The following VPS13D variants were observed in gnomAD, a reference collection of about 807,000 sequenced individuals.
The protein encoded by VPS13D is intermembrane lipid transfer protein VPS13D.
VPS13D carries 187 observed loss-of-function variants against 461.9 expected under a neutral mutation model. The ratio of observed to expected loss-of-function variants is 0.40; its 90% CI spans 0.36 to 0.46. VPS13D has a LOEUF of 0.46. Among genes scored for constraint, VPS13D ranks in the 20% least tolerant of loss-of-function variants. VPS13D has a pLI of 0.60. For missense variants in VPS13D, 4,711 were observed against 5,364.9 expected (o/e 0.88, Z 3.81); for synonymous variants, 1,951 against 1,986.3 (o/e 0.98, Z 0.47).
chr1:12,319,371 T>A, intron 31 of VPS13D, 126 bp from the exon 32 acceptor site: 2 of 1,355,274 alleles, frequency 1.5e-6, no homozygotes. Flanking sequence ...CAGCAGACAT[T>A]TTGGAGAAAA....
chr1:12,386,873 C>T (rs1225810655), intron 60 of VPS13D, among the ~76,000 whole-genome samples: 1 of 152,078 alleles, frequency 6.6e-6, no homozygotes, highest in Non-Finnish European at 1.5e-5. Context: ...GAGAACGTTT[C>T]CAGGGAGGGG....
intron 43 of VPS13D, among the ~76,000 whole-genome samples, chr1:12,346,230 T>A (rs1643672634): frequency 6.6e-6 from 1 of 152,240 alleles, no homozygotes; most frequent in Non-Finnish European, 1.5e-5. Flanking sequence ...GTTGCACAAC[T>A]GTCCATTTTT....
chr1:12,308,839 AT>A (rs1230714953), intron 27 of VPS13D, among the ~76,000 whole-genome samples, 198 bp downstream of exon 27: 2 of 151,684 alleles, frequency 1.3e-5, no homozygotes, highest in Admixed American at 1.3e-4. Context: ...TTTAGTAGAG[AT>A]GGGGTTTTAC....
In VPS13D at chr1:12,356,086, A is replaced by G. The variant is rs1409284339; in HGVS notation, c.9867A>G (p.Lys3289=). The G allele has an allele frequency of 6.2e-7, 1 of 1,608,916 alleles. No homozygotes were observed. The highest frequency in any genetic ancestry group is 1.3e-5 in the African/African-American group (1 of 74,764). The part of the protein sequence containing the change: ...FISAPYWLIN[K]TGLPLIFRQD... Reference sequence around the variant, plus strand: ...CTGCTCCATATTGGCTGATTAACAAAACAGGTACATACAGGGGCTGCTCAA... The same window carrying G: ...CTGCTCCATATTGGCTGATTAACAAGACAGGTACATACAGGGGCTGCTCAA... Residue 3289 remains lysine, a synonymous_variant, in exon 48 of 70, where the codon AAA becomes AAG. Coordinates refer to ENST00000620676, the MANE Select transcript of VPS13D (RefSeq NM_015378.4).
chr1:12,400,222 C>G lies in VPS13D; in HGVS notation c.11676C>G (p.Leu3892=), dbSNP rs746329138. Residue 3892 remains leucine, a synonymous_variant, in exon 61 of 70, where the codon CTC becomes CTG. Transcript: ENST00000620676. ...QLIGTTQPFM[L]YVTPLSNENE... ...TTGGTACCACGCAGCCCTTCATGCTCTATGTGACTCCCCTGAGCAATGAGA... is the reference window on the plus strand; with the variant it reads ...TTGGTACCACGCAGCCCTTCATGCTGTATGTGACTCCCCTGAGCAATGAGA... The G allele has an allele frequency of 3.7e-6, 6 of 1,614,034 alleles. No individual in the cohort carries two copies.
intron 25 of VPS13D, 84 bp from the exon 26 acceptor site, chr1:12,304,422 T>G: frequency 5.5e-6 from 7 of 1,271,298 alleles, no homozygotes; most frequent in South Asian, 4.1e-5. Flanking sequence ...GATAGGACTT[T>G]GGAGATATTA....
In VPS13D at chr1:12,270,999, G is replaced by A; in HGVS notation, c.1978G>A (p.Gly660Ser). ...GTGTATTTCCAACCTTGCAGGTTTT[G>A]GTTATCAGTCTGAACTTGAGCTGAG... ...YKGKVHTSGFGYQSELELRVA... is the reference protein window; with the variant it reads ...YKGKVHTSGFSYQSELELRVA... The change falls in exon 17 of 70, where the codon GGT (glycine) becomes AGT (serine). Residue 660 changes from glycine (G) to serine (S), a missense_variant. Coordinates refer to ENST00000620676, the MANE Select transcript of VPS13D (RefSeq NM_015378.4). 2 of 1,613,610 alleles carry A rather than the reference G, an allele frequency of 1.2e-6. No homozygotes were observed. Among genetic ancestry groups the A allele is most frequent in the East Asian group, 4.5e-5 (2 of 44,858 alleles).
intron 16 of VPS13D, among the ~76,000 whole-genome samples, chr1:12,270,403 A>G (rs1346003571): frequency 6.6e-6 from 1 of 152,164 alleles, no homozygotes; most frequent in Non-Finnish European, 1.5e-5. Context: ...GTGAGCCAAG[A>G]TCATGCCACT....
chr1:12,258,711 T>C (rs1320018683), intron 10 of VPS13D, among the ~76,000 whole-genome samples: 1 of 152,228 alleles, frequency 6.6e-6, no homozygotes, highest in Non-Finnish European at 1.5e-5. Context: ...CTTGTTTTAT[T>C]TCAGTTTTGT....
At position 12,327,794 on chromosome 1, in the gene VPS13D, A is replaced by G. The variant is rs764361419; in HGVS notation, c.8137A>G (p.Ile2713Val). The change falls in exon 36 of 70, where the codon ATC becomes GTC. Residue 2713 changes from isoleucine to valine, a missense_variant. Ile to Val is a conservative substitution (Grantham distance 29). This residue lies in a region of VPS13D where 4,411 missense variants were observed against 4,937.8 expected (regional missense o/e 0.89). Transcript: ENST00000620676. ...GVEIKAESVCICFIDDCMDCD... is the reference protein window; with the variant it reads ...GVEIKAESVCVCFIDDCMDCD... ...GGAGATCAAAGCTGAGAGTGTGTGC[A>G]TCTGTTTCATCGATGACTGCATGGA... The G allele has an allele frequency of 1.9e-6, 3 of 1,613,998 alleles. No homozygotes were observed. Among genetic ancestry groups the G allele is most frequent in the East Asian group, 2.2e-5 (1 of 44,856 alleles).
intron 22 of VPS13D, among the ~76,000 whole-genome samples, chr1:12,288,678 G>A (rs1642042445): frequency 6.6e-6 from 1 of 151,678 alleles, no homozygotes; most frequent in South Asian, 2.1e-4. Context: ...ATTTTTGAGA[G>A]TTAAAGGGGA....
At position 12,299,364 on chromosome 1, in the gene VPS13D, A is replaced by G. The variant is rs750446023; in HGVS notation, c.6196A>G (p.Thr2066Ala). The change falls in exon 25 of 70, where the codon ACC (threonine) becomes GCC (alanine). Residue 2066 changes from threonine to alanine, a missense_variant. Around this residue, in one of 3 missense-constraint regions of VPS13D, gnomAD observed 4,411 missense variants for 4,937.8 expected, o/e 0.89. Coordinates refer to ENST00000620676, the MANE Select transcript of VPS13D (RefSeq NM_015378.4). The surrounding 1 kb of genome is among the most constrained non-coding windows in gnomAD (Gnocchi z 4.2). ...GTTTCTGTTTGCTGGTTTTCCTGGCACCTTTTCCCTACAAGATAAGGTGAG... is the reference window on the plus strand; with the variant it reads ...GTTTCTGTTTGCTGGTTTTCCTGGCGCCTTTTCCCTACAAGATAAGGTGAG... ...NKFLFAGFPGTFSLQDKESVP... is the reference protein window; with the variant it reads ...NKFLFAGFPGAFSLQDKESVP... The G allele has an allele frequency of 6.2e-7, 1 of 1,612,444 alleles. No homozygotes were observed. The highest frequency in any genetic ancestry group is 1.1e-5 in the South Asian group (1 of 90,846).
At chr1:12,310,101 C>CA (rs887363975) in intron 27 of VPS13D, among the ~76,000 whole-genome samples, 5 of 144,314 alleles carry the variant, frequency 3.5e-5, no homozygotes, top group African/African-American at 7.9e-5. Flanking sequence ...TTCCAAAAAA[C>CA]AAAAAAAAAG....
chr1:12,352,294 A>G (rs1026201521), intron 46 of VPS13D, among the ~76,000 whole-genome samples: 1 of 152,130 alleles, frequency 6.6e-6, no homozygotes, highest in African/African-American at 2.4e-5. Context: ...CTGTCTCAAA[A>G]AAATAAAGAA....
At chr1:12,361,403 A>ATTTTATTTT (rs1553183520) in intron 50 of VPS13D, among the ~76,000 whole-genome samples, 66 of 134,002 alleles carry the variant, frequency 4.9e-4, no homozygotes, top group African/African-American at 1.7e-3. Context: ...TTATTTATTT[A>ATTTTATTTT]TTTTTTTTTT....
At chr1:12,499,388 A>G in intron 68 of VPS13D, 1 of 893,232 alleles carries the variant, frequency 1.1e-6, no homozygotes, top group African/African-American at 1.8e-5. Context: ...ATGAGATTAT[A>G]AATTATTGCA....
intron 46 of VPS13D, among the ~76,000 whole-genome samples, chr1:12,352,742 T>A (rs28880135): frequency 0.081 from 12,312 of 151,730 alleles, 775 homozygotes; most frequent in African/African-American, 0.16. Flanking sequence ...AGGTGGGGGA[T>A]CACCTGAAGT....
chr1:12,306,884 A>G (rs997927038), intron 26 of VPS13D, among the ~76,000 whole-genome samples: 2 of 152,140 alleles, frequency 1.3e-5, no homozygotes, highest in South Asian at 2.1e-4. Flanking sequence ...TTGCACCCCA[A>G]TGAAAATCTA....
In VPS13D at chr1:12,304,711, A is replaced by G. The variant is rs1056653697; in HGVS notation, c.6422A>G (p.Gln2141Arg). The G allele has an allele frequency of 6.2e-7, 1 of 1,613,852 alleles. No individual in the cohort carries two copies. The highest frequency in any genetic ancestry group is 8.5e-7 in the Non-Finnish European group (1 of 1,180,042). The change falls in exon 26 of 70, where the codon CAA becomes CGA. Residue 2141 changes from glutamine (Q) to arginine (R), a missense_variant. This residue lies in a region of VPS13D where 4,411 missense variants were observed against 4,937.8 expected (regional missense o/e 0.89). Coordinates refer to ENST00000620676, the MANE Select transcript of VPS13D (RefSeq NM_015378.4). ...CCGCAACCCACACTGTCTGTTGGCC[A>G]AGAGTCCAGTAGTCCAGGTAAAAGA... ...QGPQPTLSVG[Q>R]ESSSPEDHVC...
Sources: allele counts gnomAD v4.1 joint callset (sites outside exome capture counted in the v4.1 genomes callset), GRCh38; gene constraint gnomAD v4.1.1; regional missense constraint gnomAD v4.1.1; non-coding constraint Gnocchi (gnomAD v3.1); transcripts MANE v1.5; gene names NCBI Gene and HGNC (gene_info 2026-07-23, HGNC 2026-07-21).